Variants in KIDINS220 observed in about 807,000 individuals in gnomAD.
The protein encoded by KIDINS220 is kinase D interacting substrate 220.
Under a neutral mutation model 157.6 loss-of-function variants are expected in KIDINS220, and 63 were observed. The observed-to-expected ratio is 0.40, with a 90% CI of 0.33 to 0.49. The LOEUF (loss-of-function observed/expected upper bound fraction) is 0.49. Among genes scored for constraint, KIDINS220 ranks in the 20% least tolerant of loss-of-function variants. The pLI is 0.66. For missense variants in KIDINS220, 1,772 were observed against 2,171.2 expected (o/e 0.82, Z 3.65); for synonymous variants, 732 against 783.6 (o/e 0.93, Z 1.10).
Position 8,813,295 on chromosome 2 carries a change from C to A in KIDINS220, c.347G>T (p.Arg116Leu). The A allele has an allele frequency of 6.2e-7, 1 of 1,613,430 alleles. No homozygotes were observed. The highest frequency in any genetic ancestry group is 1.3e-5 in the African/African-American group (1 of 74,988). Residue 116 changes from arginine to leucine, a missense_variant, in exon 5 of 30, where the codon CGT (arginine) becomes CTT (leucine). Transcript: ENST00000256707. The part of the protein sequence containing the change: ...TALMWACYKG[R>L]TDVVELLLSH... The stretch of plus-strand genomic sequence containing the variant: ...AAGAAGCAACTCTACTACGTCAGTA[C>A]GGCCTTTGTAACATGCCCACATAAG...
chr2:8,792,060 G>C (rs549185090), intron 12 of KIDINS220, among the ~76,000 whole-genome samples: 5 of 152,116 alleles, frequency 3.3e-5, no homozygotes, highest in Admixed American at 2.6e-4. Context: ...AATCATTCAT[G>C]AAAAAATTAA....
chr2:8,744,406 A>ATC, intron 26 of KIDINS220, among the ~76,000 whole-genome samples: 1 of 30,672 alleles, frequency 3.3e-5, no homozygotes, highest in Non-Finnish European at 7.3e-5. Flanking sequence ...TATATAATAT[A>ATC]TATATATATA....
chr2:8,727,105 C>A, downstream of KIDINS220: 3 of 1,044,828 alleles, frequency 2.9e-6, no homozygotes, highest in Non-Finnish European at 3.7e-6. Context: ...ATAATTATGG[C>A]CTATGCTTAG....
Position 8,801,884 on chromosome 2 carries a change from G to A in KIDINS220, c.801+1046C>T, listed in dbSNP as rs147659650. Among the ~76,000 whole-genome samples, 651 of 152,274 alleles carry A rather than the reference G, an allele frequency of 4.3e-3. 2 individuals carry two copies. Among genetic ancestry groups the A allele is most frequent in the Admixed American group, 8.2e-3 (125 of 15,292 alleles). On this transcript the variant is annotated intron_variant, in intron 8 of 29. Coordinates refer to ENST00000256707, the MANE Select transcript of KIDINS220 (RefSeq NM_020738.4). ...ATCACACCACTGCACTCCAGCCTGGGTAACAGAATAACACCCTGTCTCAAA... is the reference window on the plus strand; with the variant it reads ...ATCACACCACTGCACTCCAGCCTGGATAACAGAATAACACCCTGTCTCAAA...
chr2:8,771,411 A>G (rs1670214674), intron 21 of KIDINS220, among the ~76,000 whole-genome samples: 1 of 152,004 alleles, frequency 6.6e-6, no homozygotes, highest in South Asian at 2.1e-4. Flanking sequence ...TATTGCTGGG[A>G]TTTTCTGAGG....
intron 12 of KIDINS220, among the ~76,000 whole-genome samples, chr2:8,792,473 T>C (rs1191999847): frequency 6.6e-6 from 1 of 152,240 alleles, no homozygotes; most frequent in African/African-American, 2.4e-5. Context: ...AAATAGCCTA[T>C]GAACATATTA....
chr2:8,768,185 A>G (rs1206088571), intron 22 of KIDINS220, among the ~76,000 whole-genome samples: 1 of 152,188 alleles, frequency 6.6e-6, no homozygotes, highest in Non-Finnish European at 1.5e-5. Context: ...AAATGCTGCA[A>G]TAAAAACTAG....
chr2:8,744,962 C>T (rs753290338), intron 26 of KIDINS220, among the ~76,000 whole-genome samples: 3 of 152,274 alleles, frequency 2.0e-5, no homozygotes, highest in South Asian at 4.1e-4. Flanking sequence ...GACAAAGTCA[C>T]TAATATATGC....
At position 8,745,039 on chromosome 2, in the gene KIDINS220, C is replaced by A. The variant is rs564452132; in HGVS notation, c.3585+2106G>T. On this transcript the variant is annotated intron_variant, in intron 26 of 29. Coordinates refer to ENST00000256707, the MANE Select transcript of KIDINS220 (RefSeq NM_020738.4). Reference sequence around the variant, plus strand: ...CACGATTTCCCCTTCTCCAAAAACTCATTTCAAAATTTGCCTAATGCTCCT... The same window carrying A: ...CACGATTTCCCCTTCTCCAAAAACTAATTTCAAAATTTGCCTAATGCTCCT... Among the ~76,000 whole-genome samples, 10 of 152,298 alleles carry A rather than the reference C, an allele frequency of 6.6e-5. No homozygotes were observed. The East Asian group carries it at 1.3e-3, about 21-fold the overall frequency.
At chr2:8,793,782 T>C in intron 12 of KIDINS220, 28 bp downstream of exon 12, 1 of 1,547,920 alleles carries the variant, frequency 6.5e-7, no homozygotes, top group Non-Finnish European at 8.7e-7. Context: ...ATTTAAAAGC[T>C]CAGTTAGGAG....
Position 8,791,098 on chromosome 2 carries a change from C to G in KIDINS220, c.1403G>C (p.Trp468Ser). 1 of 1,613,908 alleles carries G rather than the reference C, an allele frequency of 6.2e-7. No individual in the cohort carries two copies. The highest frequency in any genetic ancestry group is 8.5e-7 in the Non-Finnish European group (1 of 1,179,882). Reference sequence around the variant, plus strand: ...GAGTAAGAAAGATTTCCCACTTCCCCACTGTGCATATAACCCCACACAAAT... The same window carrying G: ...GAGTAAGAAAGATTTCCCACTTCCCGACTGTGCATATAACCCCACACAAAT... The part of the protein sequence containing the change: ...PPICVGLYAQ[W>S]GSGKSFLLKK... The change falls in exon 13 of 30, where the codon TGG (tryptophan) becomes TCG (serine). Residue 468 changes from tryptophan (W) to serine (S), a missense_variant. By Grantham distance (177) the Trp-to-Ser change is radical. Around this residue, in one of 3 missense-constraint regions of KIDINS220, gnomAD observed 725 missense variants for 1,017.1 expected, o/e 0.71. Transcript: ENST00000256707.
intron 26 of KIDINS220, among the ~76,000 whole-genome samples, chr2:8,745,613 A>G (rs1572469790): frequency 6.6e-6 from 1 of 152,156 alleles, no homozygotes; most frequent in Non-Finnish European, 1.5e-5. Flanking sequence ...CCTGGCCAAC[A>G]TGGTGAAACC....
chr2:8,808,430 G>A (rs1018782863), intron 6 of KIDINS220, among the ~76,000 whole-genome samples: 2 of 152,092 alleles, frequency 1.3e-5, no homozygotes, highest in Admixed American at 6.5e-5. Flanking sequence ...AACTATCCAC[G>A]ATTATATGCT....
chr2:8,793,753 C>A lies in KIDINS220; in HGVS notation c.1276+57G>T, dbSNP rs547261327. The A allele has an allele frequency of 4.1e-6, 6 of 1,466,168 alleles. No homozygotes were observed. The Admixed American group carries it at 9.0e-5, about 22-fold the overall frequency. The allele number at this position is 1,466,168 out of a possible 1,614,324, so 90.8% of individuals were successfully genotyped here. ...CATGCCTGGCCTTATTTTCCATATT[C>A]TTTAATGGAACATTGATTATTTAAA... On this transcript the variant is annotated intron_variant, in intron 12 of 29. Transcript: ENST00000256707.
intron 29 of KIDINS220, among the ~76,000 whole-genome samples, chr2:8,733,009 G>A (rs73153129): frequency 0.067 from 10,190 of 152,200 alleles, 1,089 homozygotes; most frequent in African/African-American, 0.23. Flanking sequence ...ACCAATATCC[G>A]TGAAGGGTGT....
chr2:8,827,997 T>C (rs1679067883), intron 1 of KIDINS220, among the ~76,000 whole-genome samples: 1 of 152,226 alleles, frequency 6.6e-6, no homozygotes, highest in African/African-American at 2.4e-5. Flanking sequence ...AGAACCACAA[T>C]GTGAGCAGTA....
rs1676578362 is a variant in KIDINS220 at position 8,813,256 on chromosome 2, T to C, written c.386A>G (p.Asn129Ser). 6.2e-7 allele frequency: 1 copy of C among 1,612,994 alleles called. No individual in the cohort carries two copies. The highest frequency in any genetic ancestry group is 8.5e-7 in the Non-Finnish European group (1 of 1,179,592). The change falls in exon 5 of 30, where the codon AAT (asparagine) becomes AGT (serine). Residue 129 changes from asparagine (N) to serine (S), a missense_variant. Coordinates refer to ENST00000256707, the MANE Select transcript of KIDINS220 (RefSeq NM_020738.4). ...VVELLLSHGA[N>S]PSVTGLYSVY... ...GCTTACCAGACCAGTGACACTTGGA[T>C]TGGCACCATGAGAAAGAAGCAACTC...
intron 17 of KIDINS220, among the ~76,000 whole-genome samples, chr2:8,782,454 A>C (rs867602218): frequency 6.6e-6 from 1 of 152,240 alleles, no homozygotes; most frequent in Non-Finnish European, 1.5e-5. Flanking sequence ...TTAGATAAAC[A>C]GACCAGTTCT....
At chr2:8,738,080 A>G (rs1665134252) in intron 26 of KIDINS220, among the ~76,000 whole-genome samples, 1 of 152,234 alleles carries the variant, frequency 6.6e-6, no homozygotes, top group African/African-American at 2.4e-5. Context: ...TGTTGTTCAA[A>G]AAAATCACAA....
Sources: gnomAD v4.1 joint callset for allele counts (sites outside exome capture counted in the v4.1 genomes callset) on GRCh38, gnomAD v4.1.1 for gene constraint, gnomAD v4.1.1 regional missense constraint, MANE v1.5 for transcripts, NCBI Gene and HGNC (gene_info 2026-07-23, HGNC 2026-07-21) for gene names.